Variants in IP6K2 observed in about 807,000 individuals in gnomAD.
IP6K2 encodes ATP:1D-myo-inositol-hexakisphosphate phosphotransferase.
A neutral mutation model predicts 43.3 loss-of-function variants in IP6K2; 9 were observed. That is an observed-to-expected ratio of 0.21 (90% CI 0.13 to 0.36). The LOEUF (loss-of-function observed/expected upper bound fraction) is 0.36, where lower values mean the gene tolerates loss of function less well. Among genes scored for constraint, IP6K2 ranks in the 10% least tolerant of loss-of-function variants. IP6K2 has a pLI of 1.00. For synonymous variants in IP6K2, 209 were observed against 202.4 expected, an observed-to-expected ratio of 1.03 and a Z score of -0.28; for missense variants, 332 against 538.4, an observed-to-expected ratio of 0.62 and a Z score of 3.79.
intron 1 of IP6K2, chr3:48,708,286 A>C (rs954034569): frequency 3.9e-5 from 6 of 152,072 alleles, no homozygotes; most frequent in African/African-American, 1.4e-4. Context: ...AATAAAAAAG[A>C]AATATGTTTA....
At chr3:48,691,967 G>C (rs1332684209) in intron 3 of IP6K2, among the ~76,000 whole-genome samples, 3 of 152,004 alleles carry the variant, frequency 2.0e-5, no homozygotes, top group African/African-American at 7.2e-5. Context: ...GTCTCAGCTG[G>C]GACTACAGGC....
At chr3:48,698,112 A>G (rs1457599040) in intron 1 of IP6K2, among the ~76,000 whole-genome samples, 2 of 152,230 alleles carry the variant, frequency 1.3e-5, no homozygotes, top group African/African-American at 4.8e-5. Context: ...ATATGAGTAC[A>G]TTCTAACCAT....
intron 1 of IP6K2, among the ~76,000 whole-genome samples, chr3:48,713,103 A>C (rs1264674681): frequency 6.6e-6 from 1 of 152,234 alleles, no homozygotes; most frequent in Non-Finnish European, 1.5e-5. Flanking sequence ...TATACCAAAA[A>C]GCCATATCCA....
intron 1 of IP6K2, chr3:48,715,288 A>G (rs1211052314): frequency 6.5e-7 from 1 of 1,536,078 alleles, no homozygotes; most frequent in East Asian, 2.4e-5. Flanking sequence ...CATCCTCTTT[A>G]TGAGCCAAAC....
At chr3:48,711,750 TG>T in intron 1 of IP6K2, among the ~76,000 whole-genome samples, 1 of 152,264 alleles carries the variant, frequency 6.6e-6, no homozygotes, top group East Asian at 1.9e-4. Context: ...TATTTGTTAT[TG>T]TTTTTCTTGT....
At chr3:48,709,479 G>A (rs1172735683) in intron 1 of IP6K2, among the ~76,000 whole-genome samples, 1 of 152,182 alleles carries the variant, frequency 6.6e-6, no homozygotes, top group Non-Finnish European at 1.5e-5. Flanking sequence ...TGGCCTGAGT[G>A]CAGTCAGTGT....
chr3:48,712,379 A>C (rs1222875778), intron 1 of IP6K2, among the ~76,000 whole-genome samples: 1 of 150,852 alleles, frequency 6.6e-6, no homozygotes, highest in Non-Finnish European at 1.5e-5. Flanking sequence ...AGTAGCTGGG[A>C]CTACAGGCAC....
rs753464760 is a variant in IP6K2, at chr3:48,688,395, T to C, written c.1159A>G (p.Thr387Ala). The C allele has an allele frequency of 3.1e-6, 5 of 1,614,184 alleles. No individual in the cohort carries two copies. Among genetic ancestry groups the C allele is most frequent in the Admixed American group, 3.3e-5 (2 of 60,012 alleles). Residue 387 changes from threonine (T) to alanine (A), a missense_variant, in exon 6 of 6, where the codon ACC becomes GCC. Transcript: ENST00000328631. This position sits in a 1 kb window ranked among gnomAD's most constrained non-coding sequence, Gnocchi z 5.1. ...TCCTCGCCATACAGCCTGCAGGTGG[T>C]GTGTGCAAAGTCGATCATGCGCACA... Reference protein sequence around the residue: ...VDVRMIDFAHTTCRLYGEDTV... With the variant: ...VDVRMIDFAHATCRLYGEDTV...
chr3:48,717,181 G>A lies in IP6K2; in HGVS notation c.-155C>T, dbSNP rs528070671. Reference sequence around the variant, plus strand: ...CCTGCCGCCTCAGCCGGGTTCCTCGGCGTTTCCGTCCTATTGTTTCTCTCG... The same window carrying A: ...CCTGCCGCCTCAGCCGGGTTCCTCGACGTTTCCGTCCTATTGTTTCTCTCG... On this transcript the variant is annotated 5_prime_UTR_variant, in exon 1 of 6. Transcript: ENST00000328631. 1 of 154,954 alleles carries A rather than the reference G, an allele frequency of 6.5e-6. No individual in the cohort carries two copies. Among genetic ancestry groups the A allele is most frequent in the Admixed American group, 6.5e-5 (1 of 15,310 alleles). The allele number at this position is 154,954 out of a possible 1,614,324, so 9.6% of individuals were successfully genotyped here. A position where few individuals can be genotyped will look rare whatever the true frequency, so the allele number is the denominator to read the frequency against.
chr3:48,693,871 TG>T, intron 2 of IP6K2: 1 of 1,192,634 alleles, frequency 8.4e-7, no homozygotes, highest in Non-Finnish European at 1.0e-6. Context: ...AGACATGTGG[TG>T]GCCTTGAAAG....
chr3:48,702,720 ATACTCTAC>A (rs1307591559), intron 1 of IP6K2, among the ~76,000 whole-genome samples: 1 of 152,166 alleles, frequency 6.6e-6, no homozygotes, highest in Non-Finnish European at 1.5e-5. Flanking sequence ...ACCGTCTGAC[ATACTCTAC>A]GTTTCTTACT....
chr3:48,717,120 C>T (rs2107145147), intron 1 of IP6K2, 37 bp downstream of exon 1: 1 of 154,998 alleles, frequency 6.5e-6, no homozygotes, highest in African/African-American at 2.4e-5. Context: ...TCCCTCAAAG[C>T]TCCTCGGGCA....
intron 1 of IP6K2, among the ~76,000 whole-genome samples, chr3:48,713,210 T>C (rs2080765027): frequency 6.6e-6 from 1 of 152,214 alleles, no homozygotes; most frequent in East Asian, 1.9e-4. Flanking sequence ...CCATGAAAGC[T>C]GAGACAAGCT....
At chr3:48,706,827 A>G (rs1003633481) in intron 1 of IP6K2, among the ~76,000 whole-genome samples, 24 of 152,276 alleles carry the variant, frequency 1.6e-4, no homozygotes, top group East Asian at 5.8e-4. Flanking sequence ...AAAAAATAAA[A>G]AAGAAAGAAA....
chr3:48,695,388 T>A lies in IP6K2; in HGVS notation c.-97A>T. 1 of 1,459,618 alleles carries A rather than the reference T, an allele frequency of 6.9e-7. No homozygotes were observed. Among genetic ancestry groups the A allele is most frequent in the Non-Finnish European group, 9.1e-7 (1 of 1,104,842 alleles). The allele number at this position is 1,459,618 out of a possible 1,614,324, so 90.4% of individuals were successfully genotyped here. A position where few individuals can be genotyped will look rare whatever the true frequency, so the allele number is the denominator to read the frequency against. On this transcript the variant is annotated 5_prime_UTR_variant, in exon 2 of 6. Coordinates refer to ENST00000328631, the MANE Select transcript of IP6K2 (RefSeq NM_016291.4). This position sits in a 1 kb window ranked among gnomAD's most constrained non-coding sequence, Gnocchi z 4.6. ...GTTTGTCCGTGTGTCCCTCTCGTCTTGGCTCCTTGGCTTGTTCTGGCCAGG... is the reference window on the plus strand; with the variant it reads ...GTTTGTCCGTGTGTCCCTCTCGTCTAGGCTCCTTGGCTTGTTCTGGCCAGG...
chr3:48,699,729 TA>T (rs2078820065), intron 1 of IP6K2: 1 of 152,220 alleles, frequency 6.6e-6, no homozygotes, highest in Admixed American at 6.5e-5. Flanking sequence ...CCAGTTCTGC[TA>T]CTCAATAGCG....
intron 4 of IP6K2, among the ~76,000 whole-genome samples, chr3:48,690,820 A>C (rs1458373294): frequency 6.6e-6 from 1 of 151,118 alleles, no homozygotes; most frequent in Non-Finnish European, 1.5e-5. Context: ...AAAGAGAGAG[A>C]GAGGAAAAAA....
intron 3 of IP6K2, among the ~76,000 whole-genome samples, chr3:48,692,355 T>A (rs2077874560): frequency 6.6e-6 from 1 of 152,164 alleles, no homozygotes; most frequent in Non-Finnish European, 1.5e-5. Flanking sequence ...CCCAGCCCTG[T>A]ATGTGGAGAG....
chr3:48,715,563 C>T (rs2081095265), intron 1 of IP6K2: 3 of 1,168,438 alleles, frequency 2.6e-6, no homozygotes, highest in Non-Finnish European at 3.7e-6. Context: ...ATATCTGTTA[C>T]ACTGATTTCT....
Sources: allele counts gnomAD v4.1 joint callset (sites outside exome capture counted in the v4.1 genomes callset), GRCh38; gene constraint gnomAD v4.1.1; non-coding constraint Gnocchi (gnomAD v3.1); transcripts MANE v1.5; gene names NCBI Gene and HGNC (gene_info 2026-07-23, HGNC 2026-07-21).